Variants in RHOJ observed in about 807,000 individuals in gnomAD.
The protein encoded by RHOJ is ras homolog family member J.
Under a neutral mutation model 23.4 loss-of-function variants are expected in RHOJ, and 11 were observed. The observed-to-expected ratio is 0.47, with a 90% CI of 0.30 to 0.78. The LOEUF (loss-of-function observed/expected upper bound fraction) is 0.78, where lower values mean the gene tolerates loss of function less well. RHOJ is among the 30% of genes least tolerant of loss of function. RHOJ has a pLI of 0.08. For synonymous variants in RHOJ, 102 were observed against 102.7 expected (o/e 0.99, Z 0.04); for missense variants, 254 against 273.4 (o/e 0.93, Z 0.50).
intron 1 of RHOJ, among the ~76,000 whole-genome samples, chr14:63,217,402 A>G (rs1440011102): frequency 2.0e-5 from 3 of 152,018 alleles, no homozygotes; most frequent in Admixed American, 1.3e-4. Flanking sequence ...CCATGTCCCT[A>G]CAAAGGACAT....
At chr14:63,276,959 C>T (rs942614776) in intron 2 of RHOJ, among the ~76,000 whole-genome samples, 2 of 152,158 alleles carry the variant, frequency 1.3e-5, no homozygotes, top group African/African-American at 4.8e-5. Flanking sequence ...CAGTGGTAAT[C>T]TGAAGCAGAT....
chr14:63,216,571 G>T (rs977258372), intron 1 of RHOJ, among the ~76,000 whole-genome samples: 1 of 152,150 alleles, frequency 6.6e-6, no homozygotes, highest in Non-Finnish European at 1.5e-5. Context: ...TCTCTCCTCA[G>T]GAGTCCTCCT....
intron 1 of RHOJ, among the ~76,000 whole-genome samples, chr14:63,213,382 G>A (rs947832990): frequency 2.6e-5 from 4 of 152,100 alleles, no homozygotes; most frequent in African/African-American, 4.8e-5. Flanking sequence ...GAGAACTAAC[G>A]TAGTATTTGG....
chr14:63,248,045 T>G (rs1895006920), intron 1 of RHOJ, among the ~76,000 whole-genome samples: 1 of 152,084 alleles, frequency 6.6e-6, no homozygotes, highest in Non-Finnish European at 1.5e-5. Flanking sequence ...ACCCACTGGG[T>G]CCCTCTCACA....
At chr14:63,281,863 A>G (rs1881909457) in intron 3 of RHOJ, among the ~76,000 whole-genome samples, 1 of 152,240 alleles carries the variant, frequency 6.6e-6, no homozygotes, top group Non-Finnish European at 1.5e-5. Flanking sequence ...CCAAAGACAT[A>G]GGAATATACG....
chr14:63,244,314 C>G (rs1182573574), intron 1 of RHOJ, among the ~76,000 whole-genome samples: 1 of 151,922 alleles, frequency 6.6e-6, no homozygotes, highest in African/African-American at 2.4e-5. Flanking sequence ...TGCATGTAAT[C>G]CCAGCACTTT....
chr14:63,258,954 T>G (rs1357719855), intron 1 of RHOJ, among the ~76,000 whole-genome samples: 1 of 152,226 alleles, frequency 6.6e-6, no homozygotes, highest in Non-Finnish European at 1.5e-5. Flanking sequence ...CTTTGTTTTG[T>G]TTTGAGATGG....
intron 4 of RHOJ, among the ~76,000 whole-genome samples, chr14:63,287,014 T>A (rs1298927849): frequency 6.6e-6 from 1 of 152,248 alleles, no homozygotes; most frequent in African/African-American, 2.4e-5. Flanking sequence ...AATACAGAAC[T>A]ACTCTGCTAC....
intron 1 of RHOJ, among the ~76,000 whole-genome samples, chr14:63,243,554 G>C (rs1440912314): frequency 6.6e-6 from 1 of 152,062 alleles, no homozygotes; most frequent in African/African-American, 2.4e-5. Context: ...TGGCCAGGAT[G>C]GTCTCAAACT....
chr14:63,273,613 C>T (rs76910643), intron 2 of RHOJ, among the ~76,000 whole-genome samples: 117 of 152,302 alleles, frequency 7.7e-4, no homozygotes, highest in African/African-American at 2.8e-3. Context: ...AGATGTCCTC[C>T]TACCTCACTG....
chr14:63,257,162 C>G (rs1372523863), intron 1 of RHOJ, among the ~76,000 whole-genome samples: 5 of 145,112 alleles, frequency 3.4e-5, no homozygotes, highest in Non-Finnish European at 7.5e-5. Context: ...TGTTTAAAAC[C>G]AGGAGCTGGA....
At chr14:63,248,818 A>G (rs979321561) in intron 1 of RHOJ, among the ~76,000 whole-genome samples, 3 of 152,152 alleles carry the variant, frequency 2.0e-5, no homozygotes, top group Admixed American at 2.0e-4. Flanking sequence ...GGTTGCTTCC[A>G]TTCTCAGATA....
intron 1 of RHOJ, among the ~76,000 whole-genome samples, chr14:63,238,570 C>A (rs1894830109): frequency 6.6e-6 from 1 of 152,154 alleles, no homozygotes; most frequent in Non-Finnish European, 1.5e-5. Flanking sequence ...TATAGGCACA[C>A]AACACCATGC....
intron 1 of RHOJ, among the ~76,000 whole-genome samples, chr14:63,216,600 A>G (rs1445137791): frequency 6.6e-6 from 1 of 152,240 alleles, no homozygotes; most frequent in Non-Finnish European, 1.5e-5. Context: ...ATATTGAATT[A>G]GCTTGCACTG....
chr14:63,220,844 T>C (rs1425381414), intron 1 of RHOJ, among the ~76,000 whole-genome samples: 3 of 152,180 alleles, frequency 2.0e-5, no homozygotes, highest in Non-Finnish European at 4.4e-5. Flanking sequence ...CCTTCCTCCC[T>C]CATACACACT....
chr14:63,290,725 G>GA (rs368436257), intron 4 of RHOJ, among the ~76,000 whole-genome samples, 153 bp from the exon 5 acceptor site: 7,837 of 125,712 alleles, frequency 0.062, 243 homozygotes, highest in African/African-American at 0.074. Context: ...AATTGAAATG[G>GA]AAAAAAAAAA....
chr14:63,215,392 G>A, intron 1 of RHOJ, among the ~76,000 whole-genome samples: 1 of 152,160 alleles, frequency 6.6e-6, no homozygotes, highest in East Asian at 1.9e-4. Flanking sequence ...ACTGAATCCA[G>A]ATTGCCAACA....
chr14:63,271,593 T>C (rs80031854), intron 2 of RHOJ, among the ~76,000 whole-genome samples: 10,538 of 152,244 alleles, frequency 0.069, 450 homozygotes, highest in East Asian at 0.2. Context: ...TTTTATTTTA[T>C]TTTATTTTTT....
At chr14:63,271,056 A>G (rs986915911) in intron 2 of RHOJ, among the ~76,000 whole-genome samples, 4 of 152,216 alleles carry the variant, frequency 2.6e-5, no homozygotes, top group African/African-American at 9.7e-5. Context: ...AAGCTGTAAG[A>G]CATTGTAAAA....
Sources: gnomAD v4.1 joint callset for allele counts (sites outside exome capture counted in the v4.1 genomes callset) on GRCh38, gnomAD v4.1.1 for gene constraint, MANE v1.5 for transcripts, NCBI Gene and HGNC (gene_info 2026-07-23, HGNC 2026-07-21) for gene names.